CTSC: variants seen among roughly 807,000 people sequenced by gnomAD.
The protein encoded by CTSC is dipeptidyl peptidase 1.
Under a neutral mutation model 40.9 loss-of-function variants are expected in CTSC, and 37 were observed. That is an observed-to-expected ratio of 0.91 (90% CI 0.70 to 1.19). The LOEUF (loss-of-function observed/expected upper bound fraction) is 1.19, where lower values mean the gene tolerates loss of function less well. CTSC is among the 50% of genes most tolerant of loss of function. The pLI is 0.00. For missense variants in CTSC, 594 were observed against 567.3 expected (o/e 1.05, Z -0.48); for synonymous variants, 232 against 207.4 (o/e 1.12, Z -1.02).
intron 6 of CTSC, among the ~76,000 whole-genome samples, chr11:88,295,907 A>C (rs1328774924): frequency 1.3e-5 from 2 of 152,214 alleles, no homozygotes; most frequent in African/African-American, 4.8e-5. Context: ...ATATGTAACA[A>C]GCAGAGCTCA....
chr11:88,326,306 G>A, intron 2 of CTSC: 2 of 1,612,658 alleles, frequency 1.2e-6, no homozygotes, highest in Non-Finnish European at 1.7e-6. Flanking sequence ...ACTCCAGAAG[G>A]GACTGTAGCT....
At chr11:88,296,088 C>A (rs753909477) in intron 6 of CTSC, 45 bp downstream of exon 6, 1 of 1,609,072 alleles carries the variant, frequency 6.2e-7, no homozygotes, top group Non-Finnish European at 8.5e-7. Flanking sequence ...GCCAGCTGCA[C>A]ACAGGTAAAT....
chr11:88,331,151 C>CA (rs1337224470), intron 2 of CTSC, among the ~76,000 whole-genome samples: 1 of 152,202 alleles, frequency 6.6e-6, no homozygotes, highest in African/African-American at 2.4e-5. Context: ...TCCCCACCAG[C>CA]AAGCAAGCAA....
intron 2 of CTSC, chr11:88,320,816 T>C: frequency 2.3e-6 from 2 of 888,242 alleles, no homozygotes; most frequent in Non-Finnish European, 2.7e-6. Flanking sequence ...CATGATATAT[T>C]ACATAACATT....
At chr11:88,312,284 C>T (rs1252204504) in intron 3 of CTSC, 104 bp downstream of exon 3, 1 of 1,126,796 alleles carries the variant, frequency 8.9e-7, no homozygotes, top group East Asian at 2.4e-5. Context: ...ATTTCTAAGC[C>T]AAAGATATTT....
rs1015925457 is a variant in CTSC, at chr11:88,335,016, T to C, written c.239A>G (p.Asn80Ser). 2 of 1,608,486 alleles carry C rather than the reference T, an allele frequency of 1.2e-6. No homozygotes were observed. Among genetic ancestry groups the C allele is most frequent in the African/African-American group, 1.3e-5 (1 of 74,844 alleles). Reference sequence around the variant, plus strand: ...GTAAATGATGGTGAAATGGCCAGAATTGCCAAGGTCATCATATGCTGTATC... The same window carrying C: ...GTAAATGATGGTGAAATGGCCAGAACTGCCAAGGTCATCATATGCTGTATC... ...KLDTAYDDLG[N>S]SGHFTIIYNQ... Residue 80 changes from asparagine to serine, a missense_variant, in exon 2 of 7, where the codon AAT becomes AGT. Asn to Ser is a conservative substitution (Grantham distance 46). Coordinates refer to ENST00000227266, the MANE Select transcript of CTSC (RefSeq NM_001814.6).
rs930421219 is a variant in CTSC at position 88,337,712 on chromosome 11, A to C, written c.-40T>G. 4 of 1,550,936 alleles carry C rather than the reference A, an allele frequency of 2.6e-6. No homozygotes were observed. In the African/African-American group the frequency reaches 4.1e-5, roughly 16 times the overall value. ...AGAAAAGAGGTGAAGAATTACCAGG[A>C]AGCCGAGCGCTGCGGGCTAGCGGTG... On this transcript the variant is annotated 5_prime_UTR_variant, in exon 1 of 7. Transcript: ENST00000227266.
intron 6 of CTSC, 64 bp from the exon 7 acceptor site, chr11:88,294,572 T>G: frequency 6.3e-7 from 1 of 1,580,560 alleles, no homozygotes; most frequent in Non-Finnish European, 8.7e-7. Flanking sequence ...TTTTCTATTT[T>G]TTCTTCTTTG....
Position 88,312,436 on chromosome 11 carries a change from G to C in CTSC, c.437C>G (p.Ser146Cys). Residue 146 changes from serine to cysteine, a missense_variant, in exon 3 of 7, where the codon TCT becomes TGT. Transcript: ENST00000227266. Reference protein sequence around the residue: ...CFTGKKVGTASENVYVNIAHL... With the variant: ...CFTGKKVGTACENVYVNIAHL... ...TGCTATGTTGACATACACATTCTCAGAGGCAGTTCCCACCTTCTTTCCGGT... is the reference window on the plus strand; with the variant it reads ...TGCTATGTTGACATACACATTCTCACAGGCAGTTCCCACCTTCTTTCCGGT... 6.2e-7 allele frequency: 1 copy of C among 1,614,124 alleles called. No individual in the cohort carries two copies. The highest frequency in any genetic ancestry group is 8.5e-7 in the Non-Finnish European group (1 of 1,180,018).
At chr11:88,324,865 T>C (rs1938137003) in intron 2 of CTSC, 6 of 985,282 alleles carry the variant, frequency 6.1e-6, no homozygotes, top group Non-Finnish European at 7.2e-6. Flanking sequence ...GTGGGAGCAG[T>C]CCACTGTACT....
intron 4 of CTSC, among the ~76,000 whole-genome samples, chr11:88,306,043 G>C (rs1022944082): frequency 4.5e-4 from 69 of 152,134 alleles, no homozygotes; most frequent in African/African-American, 1.5e-3. Context: ...ACTTCACTTT[G>C]GTGAATTTGA....
chr11:88,315,478 G>A (rs1376818828), intron 2 of CTSC, among the ~76,000 whole-genome samples: 4 of 152,180 alleles, frequency 2.6e-5, no homozygotes, highest in Admixed American at 1.3e-4. Flanking sequence ...AAAGGGGTGA[G>A]CAAACTAAAA....
chr11:88,303,168 A>G (rs1020928730), intron 4 of CTSC, among the ~76,000 whole-genome samples: 1 of 152,214 alleles, frequency 6.6e-6, no homozygotes, highest in Non-Finnish European at 1.5e-5. Context: ...AACACTATCA[A>G]CTGTCAACAC....
chr11:88,337,059 C>A (rs1460003863), intron 1 of CTSC, among the ~76,000 whole-genome samples: 2 of 152,122 alleles, frequency 1.3e-5, no homozygotes, highest in Non-Finnish European at 2.9e-5. Flanking sequence ...CCTTTCCCAC[C>A]ATCTAACAAA....
At chr11:88,323,735 T>A (rs1938097481) in intron 2 of CTSC, 1 of 151,944 alleles carries the variant, frequency 6.6e-6, no homozygotes, top group Non-Finnish European at 1.5e-5. Context: ...CAAGGAGAAC[T>A]ACAAACCACT....
At chr11:88,306,541 G>T (rs1339879187) in intron 4 of CTSC, among the ~76,000 whole-genome samples, 3 of 152,080 alleles carry the variant, frequency 2.0e-5, no homozygotes, top group Non-Finnish European at 4.4e-5. Flanking sequence ...GTGGAGAGTG[G>T]TGGGACAGCA....
At chr11:88,328,498 C>T (rs1430219258) in intron 2 of CTSC, among the ~76,000 whole-genome samples, 1 of 152,108 alleles carries the variant, frequency 6.6e-6, no homozygotes, top group Non-Finnish European at 1.5e-5. Flanking sequence ...ACAATATTCC[C>T]AAATCTTTTA....
intron 1 of CTSC, among the ~76,000 whole-genome samples, chr11:88,335,585 AAG>A (rs1489712395): frequency 6.6e-6 from 1 of 152,116 alleles, no homozygotes; most frequent in Non-Finnish European, 1.5e-5. Context: ...TGTCTCAAAA[AAG>A]AGAGATATGC....
At chr11:88,319,565 A>G (rs1047218351) in intron 2 of CTSC, among the ~76,000 whole-genome samples, 1 of 152,160 alleles carries the variant, frequency 6.6e-6, no homozygotes, top group African/African-American at 2.4e-5. Context: ...GGACTCTAAC[A>G]TTACTTTTGG....
Sources: allele counts gnomAD v4.1 joint callset (sites outside exome capture counted in the v4.1 genomes callset), GRCh38; gene constraint gnomAD v4.1.1; transcripts MANE v1.5; gene names NCBI Gene and HGNC (gene_info 2026-07-23, HGNC 2026-07-21).